Variants in SCAPER observed in about 807,000 individuals in gnomAD.
The protein encoded by SCAPER is S phase cyclin A-associated protein in the endoplasmic reticulum.
In SCAPER, 98 loss-of-function variants were observed where a neutral mutation model predicts 182.2. That is an observed-to-expected ratio of 0.54 (90% CI 0.46 to 0.64). The LOEUF (loss-of-function observed/expected upper bound fraction) is 0.64. SCAPER is among the 30% of genes least tolerant of loss of function. SCAPER has a pLI of 0.00. For synonymous variants in SCAPER, 605 were observed against 564.6 expected (o/e 1.07, Z -1.01); for missense variants, 1,432 against 1,690.0 (o/e 0.85, Z 2.68).
intron 4 of SCAPER, among the ~76,000 whole-genome samples, chr15:76,844,178 A>G (rs1418535158): frequency 6.6e-6 from 1 of 152,012 alleles, no homozygotes; most frequent in African/African-American, 2.4e-5. Context: ...ATGACAAAAC[A>G]ATCTAAACTT....
At chr15:76,739,458 A>G (rs557501078) in intron 15 of SCAPER, among the ~76,000 whole-genome samples, 4 of 152,328 alleles carry the variant, frequency 2.6e-5, no homozygotes, top group East Asian at 1.9e-4. Context: ...ATTAAATAAA[A>G]TAAAGGTTAT....
In SCAPER at chr15:76,665,782, A is replaced by G; in HGVS notation, c.2516T>C (p.Leu839Pro). The change falls in exon 21 of 32, where the codon CTT becomes CCT. Residue 839 changes from leucine (L) to proline (P), a missense_variant. Around this residue, in one of 5 missense-constraint regions of SCAPER, gnomAD observed 718 missense variants for 799.7 expected, o/e 0.90. Transcript: ENST00000563290. ...RELSDEEVEH[L>P]SLKKYIIDIV... ...GTCAATAATGTACTTCTTCAAGGAAAGATGCTCCTGCAAGATAAATAAATA... is the reference window on the plus strand; with the variant it reads ...GTCAATAATGTACTTCTTCAAGGAAGGATGCTCCTGCAAGATAAATAAATA... The G allele has an allele frequency of 6.6e-7, 1 of 1,516,774 alleles. No individual in the cohort carries two copies. Among genetic ancestry groups the G allele is most frequent in the South Asian group, 1.3e-5 (1 of 75,872 alleles). 94.0% of individuals were successfully genotyped at this position (1,516,774 alleles called of 1,614,324 possible).
At position 76,669,333 on chromosome 15, in the gene SCAPER, C is replaced by T. The variant is rs1161590982; in HGVS notation, c.2509-3544G>A. On this transcript the variant is annotated intron_variant, in intron 20 of 31. Coordinates refer to ENST00000563290, the MANE Select transcript of SCAPER (RefSeq NM_020843.4). ...GGTATACTATACCTTTATACAGTAG[C>T]ACTAACATAAAGCAATGATTTAAGT... Among the ~76,000 whole-genome samples the T allele has an allele frequency of 2.0e-5, 3 of 152,204 alleles. No individual in the cohort carries two copies. The East Asian group carries it at 5.8e-4, about 29-fold the overall frequency.
chr15:76,363,951 ACAAGAGGGTCCTTGAGGC>A (rs2041630655), intron 29 of SCAPER, among the ~76,000 whole-genome samples: 1 of 152,176 alleles, frequency 6.6e-6, no homozygotes, highest in Admixed American at 6.5e-5. Flanking sequence ...GAGCAATATG[ACAAGAGGGTCCTTGAGGC>A]CAATGACCTC....
intron 23 of SCAPER, among the ~76,000 whole-genome samples, chr15:76,566,838 TTAAACA>T (rs1026432609): frequency 2.0e-5 from 3 of 152,082 alleles, no homozygotes; most frequent in Non-Finnish European, 4.4e-5. Flanking sequence ...AATTTTATTA[TTAAACA>T]TAAACATACA....
chr15:76,637,256 G>A (rs1451703643), intron 21 of SCAPER, among the ~76,000 whole-genome samples: 1 of 151,922 alleles, frequency 6.6e-6, no homozygotes, highest in Non-Finnish European at 1.5e-5. Flanking sequence ...ATTCTTGAGG[G>A]TATATATCTA....
intron 5 of SCAPER, among the ~76,000 whole-genome samples, chr15:76,810,551 CCACACACA>C (rs67252250): frequency 2.1e-4 from 28 of 133,458 alleles, no homozygotes; most frequent in African/African-American, 7.4e-4. Flanking sequence ...AAAAAAAAAA[CCACACACA>C]CACACACACA....
chr15:76,367,887 T>C (rs749895534), intron 29 of SCAPER, among the ~76,000 whole-genome samples: 5 of 152,228 alleles, frequency 3.3e-5, no homozygotes, highest in African/African-American at 7.2e-5. Context: ...AAATCATTTT[T>C]AATTAAGAAT....
intron 6 of SCAPER, among the ~76,000 whole-genome samples, chr15:76,803,711 A>G (rs2065943273): frequency 6.6e-6 from 1 of 151,894 alleles, no homozygotes; most frequent in South Asian, 2.1e-4. Context: ...CACTTCTTTT[A>G]TATGTCACTA....
chr15:76,541,126 A>G (rs890906568), intron 23 of SCAPER, among the ~76,000 whole-genome samples: 1 of 152,214 alleles, frequency 6.6e-6, no homozygotes, highest in Admixed American at 6.5e-5. Context: ...TCTCAAAAAA[A>G]GAAAAAAAAA....
intron 2 of SCAPER, among the ~76,000 whole-genome samples, chr15:76,873,375 C>T (rs2072911065): frequency 8.0e-6 from 1 of 124,276 alleles, no homozygotes; most frequent in South Asian, 2.8e-4. Flanking sequence ...GGCAGGCAGG[C>T]AGGCAGGCAG....
intron 23 of SCAPER, among the ~76,000 whole-genome samples, chr15:76,523,252 T>C (rs763636854): frequency 2.0e-5 from 3 of 152,070 alleles, no homozygotes; most frequent in Admixed American, 6.6e-5. Flanking sequence ...TTTTAAATAA[T>C]AGATGAGAAA....
chr15:76,787,326 G>A (rs2064683702), intron 8 of SCAPER, among the ~76,000 whole-genome samples: 2 of 152,110 alleles, frequency 1.3e-5, no homozygotes, highest in African/African-American at 4.8e-5. Flanking sequence ...CGCTTATATG[G>A]CCAGCTAATT....
At chr15:76,892,733 T>C (rs994340337) in intron 1 of SCAPER, among the ~76,000 whole-genome samples, 1 of 152,162 alleles carries the variant, frequency 6.6e-6, no homozygotes, top group Admixed American at 6.5e-5. Context: ...GGAGTGTCAA[T>C]TAGTTCAACC....
intron 5 of SCAPER, among the ~76,000 whole-genome samples, chr15:76,812,444 T>G (rs192522286): frequency 2.3e-4 from 32 of 141,478 alleles, no homozygotes; most frequent in African/African-American, 8.2e-4. Context: ...GCCACGACTA[T>G]GCAACTGCAC....
chr15:76,729,295 T>TATACAC (rs2060777136), intron 16 of SCAPER, among the ~76,000 whole-genome samples: 1 of 144,196 alleles, frequency 6.9e-6, no homozygotes, highest in Non-Finnish European at 1.5e-5. Context: ...TATATACACA[T>TATACAC]ACACACACAC....
chr15:76,558,624 T>G (rs575527859), intron 23 of SCAPER, among the ~76,000 whole-genome samples: 1 of 152,192 alleles, frequency 6.6e-6, no homozygotes, highest in Non-Finnish European at 1.5e-5. Context: ...TGATGCTTTC[T>G]CAGAGAACTT....
intron 29 of SCAPER, among the ~76,000 whole-genome samples, chr15:76,369,635 C>G (rs1373685684): frequency 6.6e-6 from 1 of 152,218 alleles, no homozygotes; most frequent in African/African-American, 2.4e-5. Context: ...AAACTTACCA[C>G]ACCCTCTTAG....
At position 76,572,913 on chromosome 15, in the gene SCAPER, T is replaced by TCACACACA. The variant is rs1481190270; in HGVS notation, c.2838+1244_2838+1245insTGTGTGTG. ...CACTCTCTCTCTCTCTCTCTCTCTC[T>TCACACACA]CTCTCTCACACACACACACACACAC... is the stretch of plus-strand genomic sequence containing the variant. On this transcript the variant is annotated intron_variant, in intron 23 of 31. Transcript: ENST00000563290. 7.1e-3 allele frequency among the ~76,000 whole-genome samples: 849 copies of TCACACACA among 119,376 alleles called. 3 individuals carry two copies. The highest frequency in any genetic ancestry group is 0.026 in the East Asian group (79 of 3,062). The allele number at this position is 119,376 out of a possible 152,430, so 78.3% of individuals were successfully genotyped here.
Sources: gnomAD v4.1 joint callset for allele counts (sites outside exome capture counted in the v4.1 genomes callset) on GRCh38, gnomAD v4.1.1 for gene constraint, gnomAD v4.1.1 regional missense constraint, MANE v1.5 for transcripts, NCBI Gene and HGNC (gene_info 2026-07-23, HGNC 2026-07-21) for gene names.